The following NME8 variants were observed in gnomAD, a reference collection of about 807,000 sequenced individuals.
NME8 encodes NME/NM23 family member 8, also known as protein NME8.
NME8 carries 72 observed loss-of-function variants against 82.3 expected under a neutral mutation model. The observed-to-expected ratio is 0.87, with a 90% CI of 0.72 to 1.06. The LOEUF is 1.06. Ranked by LOEUF, NME8 falls within the 50% of genes least tolerant of loss-of-function variation. The pLI is 0.00. For missense variants in NME8, 712 were observed against 685.4 expected (o/e 1.04, Z -0.43); for synonymous variants, 267 against 228.5 (o/e 1.17, Z -1.52).
intron 5 of NME8, among the ~76,000 whole-genome samples, chr7:37,854,334 G>T (rs979767826): frequency 6.6e-6 from 1 of 152,088 alleles, no homozygotes; most frequent in Non-Finnish European, 1.5e-5. Context: ...ACATTGAGTA[G>T]GTTGAGGAGG....
chr7:37,897,619 G>A (rs1168662419), intron 17 of NME8, among the ~76,000 whole-genome samples: 1 of 152,114 alleles, frequency 6.6e-6, no homozygotes, highest in African/African-American at 2.4e-5. Context: ...TGTGTGCCAT[G>A]GTGGTTTACT....
chr7:37,860,527 C>T (rs1485588542), intron 6 of NME8, among the ~76,000 whole-genome samples: 1 of 152,114 alleles, frequency 6.6e-6, no homozygotes, highest in East Asian at 1.9e-4. Context: ...TTCCTTTCAC[C>T]TTCCTGGATG....
intron 7 of NME8, among the ~76,000 whole-genome samples, chr7:37,863,035 G>A (rs1390953350): frequency 3.3e-5 from 5 of 152,072 alleles, no homozygotes; most frequent in Admixed American, 1.3e-4. Flanking sequence ...CAGGAGAATC[G>A]CTTGAACCCA....
intron 11 of NME8, among the ~76,000 whole-genome samples, chr7:37,876,109 G>A (rs1456916053): frequency 4.7e-5 from 2 of 42,808 alleles, no homozygotes; most frequent in African/African-American, 6.9e-5. Context: ...CTCGGGAGGC[G>A]AGGCAGGGGA....
At position 37,863,386 on chromosome 7, in the gene NME8, T is replaced by C; in HGVS notation, c.388-10T>C. Reference sequence around the variant, plus strand: ...CTGTGTTATCTTTGCATTGCATTTCTTTTTCATAGTATCCTGAAATTCCAT... The same window carrying C: ...CTGTGTTATCTTTGCATTGCATTTCCTTTTCATAGTATCCTGAAATTCCAT... On this transcript the variant is annotated splice_polypyrimidine_tract_variant and intron_variant, in intron 7 of 17. Coordinates refer to ENST00000199447, the MANE Select transcript of NME8 (RefSeq NM_016616.5). 1 of 1,538,340 alleles carries C rather than the reference T, an allele frequency of 6.5e-7. No individual in the cohort carries two copies. Among genetic ancestry groups the C allele is most frequent in the Non-Finnish European group, 9.0e-7 (1 of 1,111,396 alleles).
intron 17 of NME8, among the ~76,000 whole-genome samples, chr7:37,898,739 G>A (rs1583649003): frequency 6.6e-6 from 1 of 152,090 alleles, no homozygotes; most frequent in East Asian, 1.9e-4. Flanking sequence ...TTCCTTAATG[G>A]GTGCAGAGTT....
At position 37,866,353 on chromosome 7, in the gene NME8, A is replaced by C. The variant is rs536516196; in HGVS notation, c.621+736A>C. Among the ~76,000 whole-genome samples the C allele has an allele frequency of 2.0e-5, 3 of 152,242 alleles. No homozygotes were observed. In the South Asian group the frequency reaches 6.2e-4, roughly 32 times the overall value. Reference sequence around the variant, plus strand: ...ATCACATACCATTCTACTGGACATCACTTTGTGGAACTGACTGCACCACTC... The same window carrying C: ...ATCACATACCATTCTACTGGACATCCCTTTGTGGAACTGACTGCACCACTC... On this transcript the variant is annotated intron_variant, in intron 10 of 17. Transcript: ENST00000199447.
intron 13 of NME8, 23 bp downstream of exon 13, chr7:37,884,470 T>A (rs778837619): frequency 6.3e-7 from 1 of 1,598,962 alleles, no homozygotes; most frequent in Non-Finnish European, 8.6e-7. Flanking sequence ...TTGAGAAAAT[T>A]CAGTCTGATT....
chr7:37,859,102 T>G (rs1263537152), intron 6 of NME8, among the ~76,000 whole-genome samples: 2 of 152,118 alleles, frequency 1.3e-5, no homozygotes, highest in East Asian at 1.9e-4. Context: ...GCCAAATAAA[T>G]TTTTCTTTAC....
chr7:37,849,549 T>C (rs1784408158), intron 2 of NME8, among the ~76,000 whole-genome samples: 1 of 152,142 alleles, frequency 6.6e-6, no homozygotes, highest in Non-Finnish European at 1.5e-5. Context: ...TAATCCAATG[T>C]ACAGTGGGGA....
intron 6 of NME8, among the ~76,000 whole-genome samples, chr7:37,858,127 G>T (rs898220543): frequency 6.6e-6 from 1 of 152,162 alleles, no homozygotes; most frequent in African/African-American, 2.4e-5. Context: ...AGAGTGTACA[G>T]TTAGTGCTAA....
chr7:37,881,332 C>T (rs962756230), intron 12 of NME8, among the ~76,000 whole-genome samples: 1 of 152,088 alleles, frequency 6.6e-6, no homozygotes. Flanking sequence ...GAAAGTTTCC[C>T]TTTATTCCTC....
chr7:37,859,256 G>T (rs557328955), intron 6 of NME8, among the ~76,000 whole-genome samples: 2 of 152,106 alleles, frequency 1.3e-5, no homozygotes, highest in African/African-American at 4.8e-5. Flanking sequence ...TCTAATGCCT[G>T]CAATCAGTGC....
chr7:37,855,843 C>A (rs1333206573), intron 5 of NME8, among the ~76,000 whole-genome samples: 1 of 152,030 alleles, frequency 6.6e-6, no homozygotes, highest in Non-Finnish European at 1.5e-5. Context: ...ATAAAAGCTG[C>A]ATTTTCAGTG....
chr7:37,868,509 G>T (rs1321999695), intron 11 of NME8, among the ~76,000 whole-genome samples: 1 of 152,122 alleles, frequency 6.6e-6, no homozygotes, highest in Non-Finnish European at 1.5e-5. Flanking sequence ...CAGATAAGGA[G>T]TTTTGCCTCT....
chr7:37,872,902 G>T (rs1027102322), intron 11 of NME8, among the ~76,000 whole-genome samples: 1 of 152,104 alleles, frequency 6.6e-6, no homozygotes, highest in Non-Finnish European at 1.5e-5. Context: ...ACAAATACAG[G>T]AACATCCTGG....
intron 5 of NME8, among the ~76,000 whole-genome samples, chr7:37,855,183 C>T (rs1251945759): frequency 1.3e-5 from 2 of 152,022 alleles, no homozygotes; most frequent in African/African-American, 4.8e-5. Flanking sequence ...TTCTCAGTGA[C>T]CAGGGGCATT....
At position 37,848,741 on chromosome 7, in the gene NME8, T is replaced by C. The variant is rs1784397069; in HGVS notation, c.-241+13T>C. 1 of 152,308 alleles carries C rather than the reference T, an allele frequency of 6.6e-6. No individual in the cohort carries two copies. Among genetic ancestry groups the C allele is most frequent in the Admixed American group, 6.5e-5 (1 of 15,288 alleles). 9.4% of individuals were successfully genotyped at this position (152,308 alleles called of 1,614,324 possible). A position where few individuals can be genotyped will look rare whatever the true frequency, so the allele number is the denominator to read the frequency against. On this transcript the variant is annotated intron_variant, in intron 1 of 17. Coordinates refer to ENST00000199447, the MANE Select transcript of NME8 (RefSeq NM_016616.5). ...CCCCACTGCCCAGGTATAGCTGCTGTCTGGAGCAGGGGCCTCGAGACGCCG... is the reference window on the plus strand; with the variant it reads ...CCCCACTGCCCAGGTATAGCTGCTGCCTGGAGCAGGGGCCTCGAGACGCCG...
intron 6 of NME8, among the ~76,000 whole-genome samples, chr7:37,858,461 TTTG>T (rs374868199): frequency 1.3e-5 from 2 of 152,108 alleles, no homozygotes; most frequent in South Asian, 4.1e-4. Context: ...TAACGTTGTT[TTTG>T]TTGTTGTTGT....
Sources: allele counts gnomAD v4.1 joint callset (sites outside exome capture counted in the v4.1 genomes callset), GRCh38; gene constraint gnomAD v4.1.1; transcripts MANE v1.5; gene names NCBI Gene and HGNC (gene_info 2026-07-23, HGNC 2026-07-21).